Variants in MAPK14 observed in about 807,000 individuals in gnomAD.
MAPK14 encodes the protein CSAID-binding protein.
A neutral mutation model predicts 49.6 loss-of-function variants in MAPK14; 16 were observed. The observed-to-expected ratio is 0.32, with a 90% CI of 0.22 to 0.49. MAPK14 has a LOEUF of 0.49. Among genes scored for constraint, MAPK14 ranks in the 20% least tolerant of loss-of-function variants. The pLI is 0.99. For synonymous variants in MAPK14, 142 were observed against 158.0 expected, an observed-to-expected ratio of 0.90 and a Z score of 0.76; for missense variants, 200 against 441.2, an observed-to-expected ratio of 0.45 and a Z score of 4.90.
intron 8 of MAPK14, among the ~76,000 whole-genome samples, chr6:36,086,644 A>G (rs1764997027): frequency 6.6e-6 from 1 of 152,226 alleles, no homozygotes; most frequent in Non-Finnish European, 1.5e-5. Flanking sequence ...AAATTGAGGC[A>G]GTAATAAATA....
chr6:36,052,690 T>A lies in MAPK14; in HGVS notation c.117-9T>A, dbSNP rs567884560. On this transcript the variant is annotated splice_polypyrimidine_tract_variant and intron_variant, in intron 1 of 11. Transcript: ENST00000229794. ...TTAATGGTGGGTTTTTTCCCTTTTT[T>A]CTCCTTAGTGCTGCTTTTGACACAA... 3.8e-6 allele frequency: 6 copies of A among 1,586,820 alleles called. No individual in the cohort carries two copies. The East Asian group carries it at 1.4e-4, about 36-fold the overall frequency.
chr6:36,116,721 T>C, the MAPK14 span, among the ~76,000 whole-genome samples: 1 of 152,160 alleles, frequency 6.6e-6, no homozygotes, highest in Non-Finnish European at 1.5e-5. Flanking sequence ...AAGTGAAACC[T>C]CCACAATGCA....
chr6:36,078,915 T>C (rs1344215549), intron 8 of MAPK14, among the ~76,000 whole-genome samples: 2 of 152,232 alleles, frequency 1.3e-5, no homozygotes, highest in Admixed American at 1.3e-4. Flanking sequence ...TTAACCCTCA[T>C]AGTGTGTCAG....
chr6:36,056,272 C>T (rs899151969), intron 2 of MAPK14, among the ~76,000 whole-genome samples: 3 of 152,158 alleles, frequency 2.0e-5, no homozygotes, highest in Non-Finnish European at 4.4e-5. Context: ...TGATGATCCA[C>T]AGTGGGTCAG....
intron 8 of MAPK14, among the ~76,000 whole-genome samples, chr6:36,085,020 TC>T (rs1427921909): frequency 1.3e-5 from 2 of 152,260 alleles, no homozygotes; most frequent in East Asian, 3.9e-4. Flanking sequence ...GGGCCAATAT[TC>T]AACATTCTTA....
At chr6:36,060,354 AC>A (rs1442252846) in intron 3 of MAPK14, among the ~76,000 whole-genome samples, 6 of 152,132 alleles carry the variant, frequency 3.9e-5, no homozygotes, top group Admixed American at 3.9e-4. Flanking sequence ...TGAACTCTCT[AC>A]TATAGTAGCT....
chr6:36,039,252 A>G (rs1581733789), intron 1 of MAPK14, among the ~76,000 whole-genome samples: 1 of 152,354 alleles, frequency 6.6e-6, no homozygotes, highest in East Asian at 1.9e-4. Context: ...GGTTGCAGAA[A>G]ATAAGTTTTC....
rs113194065 is a variant in MAPK14 at position 36,108,721 on chromosome 6, A to C, written c.*274A>C. The C allele has an allele frequency of 8.9e-6, 4 of 450,702 alleles. No individual in the cohort carries two copies. Among genetic ancestry groups the C allele is most frequent in the African/African-American group, 2.0e-5 (1 of 50,284 alleles). The allele number at this position is 450,702 out of a possible 1,614,324, so 27.9% of individuals were successfully genotyped here. A position where few individuals can be genotyped will look rare whatever the true frequency, so the allele number is the denominator to read the frequency against. ...CCTCCACCTTGCTCTTCTTTCTGAG[A>C]GTTGGCTCAGGCAGACAAGAGCTGC... On this transcript the variant is annotated 3_prime_UTR_variant, in exon 12 of 12. Transcript: ENST00000229794.
At chr6:36,043,251 T>G (rs1763036666) in intron 1 of MAPK14, among the ~76,000 whole-genome samples, 1 of 152,230 alleles carries the variant, frequency 6.6e-6, no homozygotes, top group South Asian at 2.1e-4. Flanking sequence ...ATTTGAGAGT[T>G]AGCGAAGATA....
intron 1 of MAPK14, among the ~76,000 whole-genome samples, chr6:36,038,697 G>A (rs1401087387): frequency 6.6e-6 from 1 of 152,178 alleles, no homozygotes; most frequent in African/African-American, 2.4e-5. Flanking sequence ...GCCAGAGCCA[G>A]TATTTTTGTT....
At chr6:36,121,545 C>T in the MAPK14 span, among the ~76,000 whole-genome samples, 1 of 152,154 alleles carries the variant, frequency 6.6e-6, no homozygotes, top group Admixed American at 6.5e-5. Context: ...AGCTGTTTGT[C>T]AGGGAAGTGT....
At chr6:36,123,679 C>T in the MAPK14 span, among the ~76,000 whole-genome samples, 1 of 152,232 alleles carries the variant, frequency 6.6e-6, no homozygotes, top group African/African-American at 2.4e-5. Flanking sequence ...CTCGCCCTTA[C>T]AGAGTCATTG....
chr6:36,065,547 T>TGTGTGTG (rs1581777404), intron 3 of MAPK14, among the ~76,000 whole-genome samples: 5 of 145,320 alleles, frequency 3.4e-5, no homozygotes, highest in East Asian at 2.2e-4. Flanking sequence ...TGTGTGTGTG[T>TGTGTGTG]TTGGTGGGAA....
At chr6:36,115,975 G>A (rs1766054353), downstream of MAPK14, among the ~76,000 whole-genome samples, 1 of 151,254 alleles carries the variant, frequency 6.6e-6, no homozygotes, top group Admixed American at 6.6e-5. Context: ...TGGGCATGGT[G>A]GCACACACCT....
At position 36,100,726 on chromosome 6, in the gene MAPK14, A is replaced by T. The variant is rs538710523; in HGVS notation, c.763-1845A>T. ...TATATTTAAAAGAAAATACACAAAT[A>T]ATATAGAATAAATACAAACACTTTG... On this transcript the variant is annotated intron_variant, in intron 9 of 11. Transcript: ENST00000229794. 6.6e-5 allele frequency among the ~76,000 whole-genome samples: 10 copies of T among 152,330 alleles called. No homozygotes were observed. In the East Asian group the frequency reaches 1.7e-3, roughly 26 times the overall value.
At chr6:36,051,230 C>T (rs1302694048) in intron 1 of MAPK14, among the ~76,000 whole-genome samples, 2 of 151,914 alleles carry the variant, frequency 1.3e-5, no homozygotes, top group Non-Finnish European at 2.9e-5. Flanking sequence ...ATTCTCCTGC[C>T]TCAGCCTCCT....
At chr6:36,038,905 A>G (rs1023802635) in intron 1 of MAPK14, among the ~76,000 whole-genome samples, 4 of 152,126 alleles carry the variant, frequency 2.6e-5, no homozygotes, top group Non-Finnish European at 5.9e-5. Flanking sequence ...CTTTTGGATC[A>G]TGTTTTAAAA....
intron 3 of MAPK14, among the ~76,000 whole-genome samples, chr6:36,072,105 T>G (rs1764307585): frequency 6.6e-6 from 1 of 151,984 alleles, no homozygotes; most frequent in South Asian, 2.1e-4. Flanking sequence ...GAGGCTAAAT[T>G]GGGAGGATCA....
chr6:36,093,101 C>T (rs369387921), intron 8 of MAPK14, among the ~76,000 whole-genome samples: 10 of 151,960 alleles, frequency 6.6e-5, no homozygotes, highest in African/African-American at 1.7e-4. Context: ...CTTGGAAGGA[C>T]GGGAGAAGGG....
Sources: gnomAD v4.1 joint callset for allele counts (sites outside exome capture counted in the v4.1 genomes callset) on GRCh38, gnomAD v4.1.1 for gene constraint, MANE v1.5 for transcripts, NCBI Gene and HGNC (gene_info 2026-07-23, HGNC 2026-07-21) for gene names.